The following LARP1B variants were observed in gnomAD, a reference collection of about 807,000 sequenced individuals.
LARP1B encodes la-related protein 1B.
LARP1B carries 76 observed loss-of-function variants against 114.2 expected under a neutral mutation model. That is an observed-to-expected ratio of 0.67 (90% confidence interval 0.55 to 0.81). The LOEUF (loss-of-function observed/expected upper bound fraction) is 0.81, where lower values mean the gene tolerates loss of function less well. LARP1B is among the 30% of genes least tolerant of loss of function. The pLI, the probability that LARP1B is intolerant of heterozygous loss-of-function variation, is 0.00. For missense variants in LARP1B, 1,014 were observed against 1,075.8 expected, an observed-to-expected ratio of 0.94 and a Z score of 0.80; for synonymous variants, 345 against 348.0, an observed-to-expected ratio of 0.99 and a Z score of 0.10.
At chr4:128,202,315 A>G (rs1169003831) in intron 17 of LARP1B, among the ~76,000 whole-genome samples, 2 of 152,208 alleles carry the variant, frequency 1.3e-5, no homozygotes, top group African/African-American at 4.8e-5. Flanking sequence ...CGTCAATTGT[A>G]AAATCAATTG....
chr4:128,063,798 A>G (rs995322994), intron 1 of LARP1B, among the ~76,000 whole-genome samples: 4 of 152,192 alleles, frequency 2.6e-5, no homozygotes, highest in African/African-American at 9.6e-5. Flanking sequence ...ACACAAAAAA[A>G]CAAAACCGTA....
At chr4:128,196,476 G>A (rs1754161469) in intron 15 of LARP1B, among the ~76,000 whole-genome samples, 1 of 151,680 alleles carries the variant, frequency 6.6e-6, no homozygotes, top group African/African-American at 2.4e-5. Context: ...CCATGACCAT[G>A]CCACTGCACT....
chr4:128,155,403 C>A (rs1235836168), intron 11 of LARP1B: 3 of 625,546 alleles, frequency 4.8e-6, no homozygotes, highest in African/African-American at 3.6e-5. Context: ...TCTGAGACTT[C>A]AGGGAACCCG....
intron 6 of LARP1B, among the ~76,000 whole-genome samples, chr4:128,217,683 TATC>T (rs1223468205): frequency 1.3e-4 from 5 of 38,642 alleles, no homozygotes; most frequent in Non-Finnish European, 9.2e-5. Flanking sequence ...CCACAGCCAA[TATC>T]ATACTGAATG....
intron 17 of LARP1B, among the ~76,000 whole-genome samples, chr4:128,201,264 T>C (rs1264084752): frequency 6.6e-6 from 1 of 152,128 alleles, no homozygotes; most frequent in Non-Finnish European, 1.5e-5. Context: ...TATAGGAGGG[T>C]ACTACACAAG....
chr4:128,098,049 G>T (rs1010648953), intron 7 of LARP1B, 137 bp from the exon 8 acceptor site: 78 of 627,962 alleles, frequency 1.2e-4, no homozygotes, highest in Non-Finnish European at 1.9e-4. Context: ...TATCTGTGTT[G>T]TATTAGAGCT....
chr4:128,203,420 C>G (rs567526759), intron 17 of LARP1B, among the ~76,000 whole-genome samples: 1 of 145,704 alleles, frequency 6.9e-6, no homozygotes, highest in East Asian at 2.2e-4. Flanking sequence ...GTTGCCTAGG[C>G]TGGAGTGCAG....
intron 8 of LARP1B, among the ~76,000 whole-genome samples, chr4:128,100,233 G>T (rs182824083): frequency 6.6e-6 from 1 of 152,130 alleles, no homozygotes; most frequent in Admixed American, 6.5e-5. Flanking sequence ...AAAGTGCCGG[G>T]ATTACAGGCA....
chr4:128,184,995 CACATATAT>C (rs879918299), intron 15 of LARP1B, among the ~76,000 whole-genome samples: 5 of 151,998 alleles, frequency 3.3e-5, no homozygotes, highest in Admixed American at 2.0e-4. Context: ...CATATATTTA[CACATATAT>C]ACATATATAC....
chr4:128,066,880 C>T (rs1763156083), intron 1 of LARP1B, among the ~76,000 whole-genome samples: 2 of 151,534 alleles, frequency 1.3e-5, no homozygotes, highest in Non-Finnish European at 2.9e-5. Context: ...CACTGCAACC[C>T]CCCACCTCCC....
rs1480600738 is a variant in LARP1B, at chr4:128,091,046, C to T, written c.404C>T (p.Ser135Phe). Residue 135 changes from serine (S) to phenylalanine (F), a missense_variant, in exon 6 of 20, where the codon TCC becomes TTC. Physicochemically the swap from Ser to Phe is radical, Grantham distance 155 (BLOSUM62 -2). Coordinates refer to ENST00000326639, the MANE Select transcript of LARP1B (RefSeq NM_018078.4). ...REKRDDQDDV[S>F]SVRSEGGNIR... ...AAAAGGGATGATCAAGATGACGTTT[C>T]CAGTGTGAGAAGTGAGGGTGGTAAT... 6.2e-7 allele frequency: 1 copy of T among 1,613,302 alleles called. No individual in the cohort carries two copies. Among genetic ancestry groups the T allele is most frequent in the Non-Finnish European group, 8.5e-7 (1 of 1,179,660 alleles).
intron 15 of LARP1B, among the ~76,000 whole-genome samples, chr4:128,189,262 CTT>C (rs71587374): frequency 1.5e-4 from 13 of 85,828 alleles, no homozygotes; most frequent in African/African-American, 4.1e-4. Flanking sequence ...CTTCCGTGTC[CTT>C]TTTTTTTTTT....
rs369881369 is a variant in LARP1B at position 128,073,264 on chromosome 4, A to C, written c.-77-1196A>C. On this transcript the variant is annotated intron_variant, in intron 1 of 19. Coordinates refer to ENST00000326639, the MANE Select transcript of LARP1B (RefSeq NM_018078.4). ...CCCTGTCTCTCCTAAAAATACAAAA[A>C]AATTAGCCAGGCATGGTGGCAGGCG... 2.9e-4 allele frequency among the ~76,000 whole-genome samples: 44 copies of C among 151,710 alleles called. No individual in the cohort carries two copies. The East Asian group carries it at 8.3e-3, about 29-fold the overall frequency.
intron 11 of LARP1B, chr4:128,155,690 G>T (rs1018556861): frequency 1.9e-6 from 3 of 1,606,024 alleles, no homozygotes; most frequent in Non-Finnish European, 1.7e-6. Context: ...GAACAGATCA[G>T]CCCGGAGGAA....
At chr4:128,110,323 C>G (rs976838007) in intron 9 of LARP1B, among the ~76,000 whole-genome samples, 1 of 151,720 alleles carries the variant, frequency 6.6e-6, no homozygotes, top group Non-Finnish European at 1.5e-5. Context: ...ATCAGGTAAT[C>G]TAAGTCATTT....
intron 10 of LARP1B, among the ~76,000 whole-genome samples, chr4:128,116,972 C>T (rs1420364277): frequency 1.4e-5 from 2 of 144,946 alleles, no homozygotes; most frequent in African/African-American, 2.5e-5. Flanking sequence ...AGTGCAGTGG[C>T]GCAGTCTTGG....
chr4:128,200,526 A>G lies in LARP1B; in HGVS notation c.2170A>G (p.Lys724Glu). 1 of 1,463,022 alleles carries G rather than the reference A, an allele frequency of 6.8e-7. No homozygotes were observed. Among genetic ancestry groups the G allele is most frequent in the Non-Finnish European group, 9.1e-7 (1 of 1,104,396 alleles). The allele number at this position is 1,463,022 out of a possible 1,614,324, so 90.6% of individuals were successfully genotyped here. ...TTTTATTTAACTTTTTTCAGAGAGA[A>G]AACGCTTGGGAATTGGTCAGTCCCA... is the stretch of plus-strand genomic sequence containing the variant. ...KYRRRCLSER[K>E]RLGIGQSQEM... is the part of the protein sequence containing the mutation. Residue 724 changes from lysine (K) to glutamate (E), a missense_variant, in exon 17 of 20, where the codon AAA (lysine) becomes GAA (glutamate). By Grantham distance (56) the Lys-to-Glu change is moderately conservative. Coordinates refer to ENST00000326639, the MANE Select transcript of LARP1B (RefSeq NM_018078.4).
chr4:128,169,725 C>T (rs1742726547), intron 12 of LARP1B, among the ~76,000 whole-genome samples: 1 of 152,096 alleles, frequency 6.6e-6, no homozygotes, highest in Non-Finnish European at 1.5e-5. Flanking sequence ...CCACCTCTGC[C>T]TCCTGAGTTC....
intron 8 of LARP1B, among the ~76,000 whole-genome samples, chr4:128,100,552 G>A (rs193174419): frequency 8.5e-5 from 13 of 152,076 alleles, no homozygotes; most frequent in African/African-American, 2.6e-4. Flanking sequence ...GATTACAGGC[G>A]TGAGCCACCA....
Sources: allele counts gnomAD v4.1 joint callset (sites outside exome capture counted in the v4.1 genomes callset), GRCh38; gene constraint gnomAD v4.1.1; transcripts MANE v1.5; gene names NCBI Gene and HGNC (gene_info 2026-07-23, HGNC 2026-07-21).